CAMTA1: variants seen among roughly 807,000 people sequenced by gnomAD.
CAMTA1 encodes the protein calmodulin binding transcription activator 1.
A neutral mutation model predicts 170.9 loss-of-function variants in CAMTA1; 27 were observed. The ratio of observed to expected loss-of-function variants is 0.16; its 90% CI spans 0.12 to 0.22. The LOEUF is 0.22. Among genes scored for constraint, CAMTA1 ranks in the 10% least tolerant of loss-of-function variants. The pLI is 1.00. For synonymous variants in CAMTA1, 833 were observed against 891.5 expected, an observed-to-expected ratio of 0.93 and a Z score of 1.17; for missense variants, 1,619 against 2,217.2, an observed-to-expected ratio of 0.73 and a Z score of 5.42.
chr1:7,641,608 G>T lies in CAMTA1; in HGVS notation c.664+1055G>T, dbSNP rs544564484. Among the ~76,000 whole-genome samples the T allele has an allele frequency of 6.6e-6, 1 of 152,290 alleles. No individual in the cohort carries two copies. The highest frequency in any genetic ancestry group is 1.9e-4 in the East Asian group (1 of 5,176). ...TTAGGGATCTGCTCCCAGCCTCAAG[G>T]TTGGGGATGAGGGTCAGGAGGGACA... is the stretch of plus-strand genomic sequence containing the variant. On this transcript the variant is annotated intron_variant, in intron 7 of 22. Transcript: ENST00000303635. This position sits in a 1 kb window ranked among gnomAD's most constrained non-coding sequence, Gnocchi z 4.5.
rs2096219927 is a variant in CAMTA1 at position 7,682,676 on chromosome 1, CCATTCTAGCTGGGA to C, written c.2914+4946_2914+4959del. Reference sequence around the variant, plus strand: ...TACATTCCAGGGACAGTGGGAAAGGCCATTCTAGCTGGGACACTGGTCCCTGGGAGGCCTCTGGG... The same window carrying C: ...TACATTCCAGGGACAGTGGGAAAGGCCACTGGTCCCTGGGAGGCCTCTGGG... On this transcript the variant is annotated intron_variant, in intron 11 of 22. Coordinates refer to ENST00000303635, the MANE Select transcript of CAMTA1 (RefSeq NM_015215.4). This position sits in a 1 kb window ranked among gnomAD's most constrained non-coding sequence, Gnocchi z 5.0. Among the ~76,000 whole-genome samples the C allele has an allele frequency of 6.6e-6, 1 of 152,202 alleles. No homozygotes were observed. Among genetic ancestry groups the C allele is most frequent in the Non-Finnish European group, 1.5e-5 (1 of 68,038 alleles).
At chr1:7,103,106 GC>G (rs1642934491) in intron 4 of CAMTA1, among the ~76,000 whole-genome samples, 1 of 151,734 alleles carries the variant, frequency 6.6e-6, no homozygotes, top group Non-Finnish European at 1.5e-5. Flanking sequence ...TTCCAGAGGG[GC>G]TGCGGGGTGC....
intron 1 of CAMTA1, among the ~76,000 whole-genome samples, chr1:6,796,351 T>G (rs893203461): frequency 6.6e-6 from 1 of 152,104 alleles, no homozygotes; most frequent in Non-Finnish European, 1.5e-5. Flanking sequence ...TTGCCCAGGC[T>G]GGTCTCCAAC....
At chr1:7,719,590 C>T (rs1201501242) in intron 11 of CAMTA1, among the ~76,000 whole-genome samples, 1 of 152,126 alleles carries the variant, frequency 6.6e-6, no homozygotes, top group Admixed American at 6.6e-5. Flanking sequence ...TGGAGTATGG[C>T]GGTTTTTTCT....
At chr1:7,677,783 C>A in intron 11 of CAMTA1, 50 bp downstream of exon 11, 1 of 1,577,646 alleles carries the variant, frequency 6.3e-7, no homozygotes, top group South Asian at 1.2e-5. Context: ...GAGAGGGATG[C>A]TTGGGGACTC....
At chr1:7,468,205 G>A (rs779533371) in intron 6 of CAMTA1, among the ~76,000 whole-genome samples, 2 of 152,242 alleles carry the variant, frequency 1.3e-5, no homozygotes, top group Non-Finnish European at 2.9e-5. Context: ...GGACAAGAAA[G>A]AAGGCCGAGT....
intron 3 of CAMTA1, among the ~76,000 whole-genome samples, chr1:6,990,766 A>G (rs903405795): frequency 2.0e-5 from 3 of 150,606 alleles, no homozygotes; most frequent in African/African-American, 4.9e-5. Flanking sequence ...TTCATATAAC[A>G]TGTACTTTCT....
Position 6,965,715 on chromosome 1 carries a change from C to G in CAMTA1, c.235-125589C>G, listed in dbSNP as rs1458798069. 6.6e-6 allele frequency among the ~76,000 whole-genome samples: 1 copy of G among 152,172 alleles called. No individual in the cohort carries two copies. The highest frequency in any genetic ancestry group is 1.5e-5 in the Non-Finnish European group (1 of 68,030). Reference sequence around the variant, plus strand: ...CTTTTTATGGTGGTTTTTATGAGAACATTTTCGCTTTGGGAGTTATTAGAG... The same window carrying G: ...CTTTTTATGGTGGTTTTTATGAGAAGATTTTCGCTTTGGGAGTTATTAGAG... On this transcript the variant is annotated intron_variant, in intron 3 of 22. Transcript: ENST00000303635. The surrounding 1 kb of genome is among the most constrained non-coding windows in gnomAD (Gnocchi z 4.1).
At chr1:6,982,067 A>G (rs568983351) in intron 3 of CAMTA1, among the ~76,000 whole-genome samples, 15 of 152,316 alleles carry the variant, frequency 9.8e-5, no homozygotes, top group African/African-American at 3.6e-4. Context: ...TTAGATAATA[A>G]ATGTTTTTCT....
chr1:7,437,797 G>A (rs187197984), intron 5 of CAMTA1, among the ~76,000 whole-genome samples: 6 of 152,342 alleles, frequency 3.9e-5, no homozygotes, highest in East Asian at 1.9e-4. Context: ...GCCAGCAGGC[G>A]CATTCACTCA....
At chr1:7,329,612 T>C (rs956271411) in intron 5 of CAMTA1, among the ~76,000 whole-genome samples, 7 of 152,198 alleles carry the variant, frequency 4.6e-5, no homozygotes, top group Non-Finnish European at 1.5e-5. Flanking sequence ...CATTTCTCCC[T>C]GAAAGCTGAC....
At chr1:7,428,556 C>G (rs1372675012) in intron 5 of CAMTA1, among the ~76,000 whole-genome samples, 3 of 152,118 alleles carry the variant, frequency 2.0e-5, no homozygotes, top group African/African-American at 7.2e-5. Context: ...TAGGTCAGGG[C>G]TCTGCAGTGG....
intron 3 of CAMTA1, among the ~76,000 whole-genome samples, chr1:6,998,820 A>G (rs1032845015): frequency 6.6e-5 from 10 of 152,222 alleles, no homozygotes; most frequent in Admixed American, 2.6e-4. Flanking sequence ...GCTACCTTTT[A>G]TTGGACATCT....
At chr1:7,268,556 A>G (rs969805963) in intron 5 of CAMTA1, among the ~76,000 whole-genome samples, 1 of 152,196 alleles carries the variant, frequency 6.6e-6, no homozygotes, top group African/African-American at 2.4e-5. Flanking sequence ...GAGACCCCAG[A>G]ATGATCACAT....
intron 3 of CAMTA1, among the ~76,000 whole-genome samples, chr1:7,079,474 T>A (rs1279624667): frequency 6.6e-6 from 1 of 150,504 alleles, no homozygotes; most frequent in East Asian, 2.0e-4. Context: ...TGATAAAGAT[T>A]TTTTTTTTCT....
At chr1:7,101,315 G>C (rs921365826) in intron 4 of CAMTA1, among the ~76,000 whole-genome samples, 4 of 152,302 alleles carry the variant, frequency 2.6e-5, no homozygotes, top group Admixed American at 2.6e-4. Flanking sequence ...AAGGGAAAGG[G>C]AGTTGGCCTG....
intron 3 of CAMTA1, chr1:6,871,792 T>C (rs1326175702): frequency 5.2e-6 from 8 of 1,534,780 alleles, no homozygotes; most frequent in Non-Finnish European, 7.0e-6. Flanking sequence ...GATTTCTTTT[T>C]AATAATGTGT....
chr1:6,966,280 T>C (rs1405908318), intron 3 of CAMTA1, among the ~76,000 whole-genome samples: 2 of 152,150 alleles, frequency 1.3e-5, no homozygotes, highest in Non-Finnish European at 2.9e-5. Flanking sequence ...ATTGCCCCAG[T>C]CTATTTTAGG....
chr1:7,242,035 G>T (rs1039765374), intron 4 of CAMTA1, among the ~76,000 whole-genome samples: 7 of 152,132 alleles, frequency 4.6e-5, no homozygotes, highest in Non-Finnish European at 1.0e-4. Flanking sequence ...TTGGGAGAAA[G>T]TATTTGCAAA....
Sources: allele counts gnomAD v4.1 joint callset (sites outside exome capture counted in the v4.1 genomes callset), GRCh38; gene constraint gnomAD v4.1.1; non-coding constraint Gnocchi (gnomAD v3.1); transcripts MANE v1.5; gene names NCBI Gene and HGNC (gene_info 2026-07-23, HGNC 2026-07-21).